ACOXL: variants seen among roughly 807,000 people sequenced by gnomAD.
The protein encoded by ACOXL is acyl-CoA oxidase like.
ACOXL carries 70 observed loss-of-function variants against 71.9 expected under a neutral mutation model. The observed-to-expected ratio is 0.97, with a 90% confidence interval of 0.80 to 1.19. The LOEUF (loss-of-function observed/expected upper bound fraction) is 1.19. ACOXL is among the 50% of genes most tolerant of loss of function. The pLI is 0.00. For synonymous variants in ACOXL, 253 were observed against 281.6 expected, an observed-to-expected ratio of 0.90 and a Z score of 1.02; for missense variants, 703 against 736.3, an observed-to-expected ratio of 0.95 and a Z score of 0.52.
chr2:110,749,939 T>C (rs1273079628), intron 1 of ACOXL, among the ~76,000 whole-genome samples: 1 of 152,220 alleles, frequency 6.6e-6, no homozygotes, highest in Non-Finnish European at 1.5e-5. Flanking sequence ...GGTCAGGTGT[T>C]TGTCAAATGT....
intron 11 of ACOXL, among the ~76,000 whole-genome samples, chr2:110,921,697 AC>A (rs2060087141): frequency 6.6e-6 from 1 of 151,636 alleles, no homozygotes; most frequent in South Asian, 2.1e-4. Flanking sequence ...CTGGCCTTCC[AC>A]CCCCCTCTCT....
intron 11 of ACOXL, among the ~76,000 whole-genome samples, chr2:110,923,606 C>G (rs1574138956): frequency 6.6e-6 from 1 of 152,300 alleles, no homozygotes; most frequent in Non-Finnish European, 1.5e-5. Flanking sequence ...TGAGCAATTA[C>G]TTAAATTTTC....
chr2:110,876,379 C>T (rs910859215), intron 10 of ACOXL, among the ~76,000 whole-genome samples: 6 of 152,032 alleles, frequency 3.9e-5, no homozygotes, highest in Non-Finnish European at 8.8e-5. Context: ...CTGTGGTGTG[C>T]CATGCCCAGG....
intron 9 of ACOXL, among the ~76,000 whole-genome samples, chr2:110,807,704 C>G (rs1332223194): frequency 6.6e-6 from 1 of 152,212 alleles, no homozygotes; most frequent in African/African-American, 2.4e-5. Flanking sequence ...GATCTCATCT[C>G]CAGCGTCTCT....
chr2:110,740,813 C>G (rs938410431), intron 1 of ACOXL, among the ~76,000 whole-genome samples: 3 of 152,186 alleles, frequency 2.0e-5, no homozygotes, highest in Non-Finnish European at 1.5e-5. Flanking sequence ...AAGCTACAGT[C>G]TAATGTGGCC....
At chr2:111,048,835 T>A (rs953622434) in intron 15 of ACOXL, among the ~76,000 whole-genome samples, 13 of 152,160 alleles carry the variant, frequency 8.5e-5, no homozygotes, top group Non-Finnish European at 1.8e-4. Flanking sequence ...TGAGATTTTT[T>A]AAATTAGCAC....
intron 3 of ACOXL, among the ~76,000 whole-genome samples, chr2:110,788,912 C>G (rs1352480968): frequency 6.6e-6 from 1 of 152,214 alleles, no homozygotes; most frequent in East Asian, 1.9e-4. Context: ...CCCCAGATCC[C>G]CCTGCCAGCT....
At chr2:110,826,287 T>C (rs1689153456) in intron 9 of ACOXL, among the ~76,000 whole-genome samples, 5 of 152,210 alleles carry the variant, frequency 3.3e-5, no homozygotes, top group Admixed American at 3.3e-4. Context: ...AAGTTCCCAA[T>C]ATTTAATATT....
chr2:110,900,570 G>T (rs1435757838), intron 10 of ACOXL, among the ~76,000 whole-genome samples: 1 of 152,204 alleles, frequency 6.6e-6, no homozygotes, highest in Non-Finnish European at 1.5e-5. Context: ...AACCAGGTGT[G>T]TCTGATCCAA....
At chr2:110,950,859 A>G (rs549073988) in intron 12 of ACOXL, among the ~76,000 whole-genome samples, 1 of 145,344 alleles carries the variant, frequency 6.9e-6, no homozygotes, top group East Asian at 2.7e-4. Flanking sequence ...TTTAGCTCTC[A>G]TGAGAACCAG....
At chr2:110,998,143 C>T (rs1160734975) in intron 14 of ACOXL, among the ~76,000 whole-genome samples, 1 of 151,886 alleles carries the variant, frequency 6.6e-6, no homozygotes, top group Non-Finnish European at 1.5e-5. Context: ...ATAGTCTATA[C>T]GAATTTTTAA....
At chr2:110,836,457 C>T (rs1276817109) in intron 9 of ACOXL, among the ~76,000 whole-genome samples, 3 of 151,526 alleles carry the variant, frequency 2.0e-5, no homozygotes, top group Non-Finnish European at 2.9e-5. Flanking sequence ...GAGTGGTATT[C>T]TGTGCCTGCC....
intron 10 of ACOXL, among the ~76,000 whole-genome samples, chr2:110,878,149 A>G (rs1051273129): frequency 1.3e-5 from 2 of 152,250 alleles, no homozygotes; most frequent in African/African-American, 4.8e-5. Flanking sequence ...TTTTATGAAC[A>G]GTTTCAGTTT....
At chr2:110,946,550 C>T (rs748331018) in intron 12 of ACOXL, among the ~76,000 whole-genome samples, 3 of 152,176 alleles carry the variant, frequency 2.0e-5, no homozygotes, top group Non-Finnish European at 4.4e-5. Flanking sequence ...CAAACTCATG[C>T]TCCAAACCAT....
chr2:111,004,238 G>T (rs1289320590), intron 14 of ACOXL, among the ~76,000 whole-genome samples: 1 of 152,170 alleles, frequency 6.6e-6, no homozygotes, highest in East Asian at 1.9e-4. Flanking sequence ...GGTTTTCTCA[G>T]AACCCTGCTT....
At chr2:110,868,460 C>T (rs1158786754) in intron 10 of ACOXL, among the ~76,000 whole-genome samples, 2 of 152,216 alleles carry the variant, frequency 1.3e-5, no homozygotes, top group Non-Finnish European at 2.9e-5. Flanking sequence ...TTGGCAGGAA[C>T]GCTCTTCTCT....
At chr2:111,052,588 A>C (rs1185820774) in intron 16 of ACOXL, among the ~76,000 whole-genome samples, 1 of 152,210 alleles carries the variant, frequency 6.6e-6, no homozygotes, top group African/African-American at 2.4e-5. Context: ...CTCAGATTTC[A>C]CTACAATTTG....
chr2:110,943,290 GA>G (rs1170641735), intron 12 of ACOXL, among the ~76,000 whole-genome samples: 2 of 150,566 alleles, frequency 1.3e-5, no homozygotes, highest in East Asian at 3.9e-4. Flanking sequence ...AAGAAGGAAG[GA>G]AGGAGAAAGA....
At chr2:111,068,091 T>C (rs577272545) in intron 16 of ACOXL, among the ~76,000 whole-genome samples, 7 of 152,214 alleles carry the variant, frequency 4.6e-5, no homozygotes, top group African/African-American at 1.7e-4. Context: ...CCACCCCCTA[T>C]ACAGTGAAAA....
Sources: allele counts gnomAD v4.1 joint callset (sites outside exome capture counted in the v4.1 genomes callset), GRCh38; gene constraint gnomAD v4.1.1; transcripts MANE v1.5; gene names NCBI Gene and HGNC (gene_info 2026-07-23, HGNC 2026-07-21).